Variants in CARNMT1 observed in about 807,000 individuals in gnomAD.
CARNMT1 encodes protein-L-histidine N-pros-methyltransferase CARNMT1.
Under a neutral mutation model 49.6 loss-of-function variants are expected in CARNMT1, and 28 were observed. That is an observed-to-expected ratio of 0.56 (90% CI 0.42 to 0.77). The LOEUF (loss-of-function observed/expected upper bound fraction) is 0.77, where lower values mean the gene tolerates loss of function less well. Ranked by LOEUF, CARNMT1 falls within the 30% of genes least tolerant of loss-of-function variation. The pLI, the probability that CARNMT1 is intolerant of heterozygous loss-of-function variation, is 0.00. For missense variants in CARNMT1, 421 were observed against 512.6 expected (o/e 0.82, Z 1.73); for synonymous variants, 178 against 175.0 (o/e 1.02, Z -0.13).
At position 75,028,091 on chromosome 9, in the gene CARNMT1, T is replaced by TGGC. The variant is rs888298848; in HGVS notation, c.148_150dup (p.Ala50dup). ...TCCTCCTCCTCCTCGGTGCTGCGCG[T>TGGC]GGCCGCCGCCGCTGCCGCCGAAACC... On this transcript the variant is annotated inframe_insertion, in exon 1 of 8. Coordinates refer to ENST00000376834, the MANE Select transcript of CARNMT1 (RefSeq NM_152420.3). 1 of 1,557,164 alleles carries TGGC rather than the reference T, an allele frequency of 6.4e-7. No individual in the cohort carries two copies. The highest frequency in any genetic ancestry group is 8.7e-7 in the Non-Finnish European group (1 of 1,153,792).
At chr9:75,001,063 T>C (rs1305137366) in intron 3 of CARNMT1, among the ~76,000 whole-genome samples, 1 of 152,112 alleles carries the variant, frequency 6.6e-6, no homozygotes, top group East Asian at 1.9e-4. Context: ...TCAGTTCCCA[T>C]CTGTCCAATC....
At chr9:74,995,974 T>C (rs1038865734) in intron 6 of CARNMT1, 1 of 152,198 alleles carries the variant, frequency 6.6e-6, no homozygotes, top group African/African-American at 2.4e-5. Flanking sequence ...AAAAATTGTG[T>C]TTCTATTCTT....
At chr9:74,990,541 GCATATACATGATTTTTACAGACGGA>G (rs940691922) in intron 6 of CARNMT1, among the ~76,000 whole-genome samples, 1 of 152,146 alleles carries the variant, frequency 6.6e-6, no homozygotes, top group Non-Finnish European at 1.5e-5. Context: ...TTACATACAC[GCATATACATGATTTTTACAGACGGA>G]CATATACATA....
intron 1 of CARNMT1, among the ~76,000 whole-genome samples, chr9:75,024,438 C>T (rs1822466382): frequency 6.6e-6 from 1 of 152,156 alleles, no homozygotes; most frequent in African/African-American, 2.4e-5. Context: ...ATTAAAAAAT[C>T]TCACCCCGTT....
chr9:74,996,565 T>G lies in CARNMT1; in HGVS notation c.911-5A>C. The G allele has an allele frequency of 6.6e-7, 1 of 1,512,404 alleles. No individual in the cohort carries two copies. Among genetic ancestry groups the G allele is most frequent in the Non-Finnish European group, 9.0e-7 (1 of 1,113,076 alleles). 93.7% of individuals were successfully genotyped at this position (1,512,404 alleles called of 1,614,324 possible). ...TAGCAATACAGTCCCAGGTATCTAATGAAGAAAAATCAAATTACTGCATCT... is the reference window on the plus strand; with the variant it reads ...TAGCAATACAGTCCCAGGTATCTAAGGAAGAAAAATCAAATTACTGCATCT... On this transcript the variant is annotated splice_region_variant and splice_polypyrimidine_tract_variant and intron_variant, in intron 5 of 7. Coordinates refer to ENST00000376834, the MANE Select transcript of CARNMT1 (RefSeq NM_152420.3).
intron 2 of CARNMT1, 156 bp downstream of exon 2, chr9:75,017,097 T>C: frequency 1.7e-6 from 1 of 604,966 alleles, no homozygotes; most frequent in South Asian, 2.2e-5. Flanking sequence ...CTCTGGCTAT[T>C]AAGCCTAATC....
At chr9:75,003,791 T>A (rs1400806351) in intron 3 of CARNMT1, among the ~76,000 whole-genome samples, 1 of 152,236 alleles carries the variant, frequency 6.6e-6, no homozygotes, top group African/African-American at 2.4e-5. Context: ...CATAAATAAC[T>A]TTCACATGCA....
intron 1 of CARNMT1, chr9:75,027,584 G>A: frequency 2.0e-6 from 1 of 488,468 alleles, no homozygotes; most frequent in Non-Finnish European, 2.7e-6. Context: ...CATCCCACGC[G>A]TAGGTGAACT....
At chr9:75,022,151 A>G (rs1269639729) in intron 1 of CARNMT1, among the ~76,000 whole-genome samples, 1 of 151,410 alleles carries the variant, frequency 6.6e-6, no homozygotes, top group Non-Finnish European at 1.5e-5. Context: ...AAATCTGTCT[A>G]TAATTTAGGA....
intron 3 of CARNMT1, among the ~76,000 whole-genome samples, chr9:75,011,525 C>G (rs902527218): frequency 1.3e-5 from 2 of 152,140 alleles, no homozygotes; most frequent in African/African-American, 4.8e-5. Flanking sequence ...GTGCATGCCA[C>G]CTCACCTAAT....
At position 74,983,496 on chromosome 9, in the gene CARNMT1, G is replaced by A. The variant is rs1832740004; in HGVS notation, c.*271C>T. On this transcript the variant is annotated 3_prime_UTR_variant, in exon 8 of 8. Coordinates refer to ENST00000376834, the MANE Select transcript of CARNMT1 (RefSeq NM_152420.3). Reference sequence around the variant, plus strand: ...CTGGAGATTAGGTTTTTTTCCTACTGAAACACAATTCTGGGCTTCAAGGAA... The same window carrying A: ...CTGGAGATTAGGTTTTTTTCCTACTAAAACACAATTCTGGGCTTCAAGGAA... 3.9e-6 allele frequency: 1 copy of A among 259,202 alleles called. No individual in the cohort carries two copies. Among genetic ancestry groups the A allele is most frequent in the Non-Finnish European group, 7.3e-6 (1 of 137,212 alleles). 16.1% of individuals were successfully genotyped at this position (259,202 alleles called of 1,614,324 possible). A position where few individuals can be genotyped will look rare whatever the true frequency, so the allele number is the denominator to read the frequency against.
intron 5 of CARNMT1, among the ~76,000 whole-genome samples, chr9:74,996,993 G>A (rs1364133357): frequency 6.6e-6 from 1 of 152,166 alleles, no homozygotes; most frequent in Non-Finnish European, 1.5e-5. Flanking sequence ...AGAAATGAAT[G>A]ACATCCAAAT....
chr9:75,027,256 GT>G, intron 1 of CARNMT1: 1 of 603,384 alleles, frequency 1.7e-6, no homozygotes, highest in Non-Finnish European at 2.1e-6. Context: ...TTAGGGAGCT[GT>G]TTTTATGAAT....
At chr9:75,018,968 TAAAAAAAAA>T (rs35324700) in intron 1 of CARNMT1, among the ~76,000 whole-genome samples, 1 of 74,602 alleles carries the variant, frequency 1.3e-5, no homozygotes, top group Admixed American at 1.5e-4. Flanking sequence ...CTCCATCTCA[TAAAAAAAAA>T]AAAAAAAAAA....
Position 75,027,955 on chromosome 9 carries a change from G to A in CARNMT1, c.230+57C>T. 4 of 1,488,860 alleles carry A rather than the reference G, an allele frequency of 2.7e-6. No individual in the cohort carries two copies. In the South Asian group the frequency reaches 3.8e-5, roughly 14 times the overall value. 92.2% of individuals were successfully genotyped at this position (1,488,860 alleles called of 1,614,324 possible). On this transcript the variant is annotated intron_variant, in intron 1 of 7. Transcript: ENST00000376834. ...CGAGCGCCCCCGTTCCGGCGGGTCC[G>A]CCGCCACCAGTGGGCGCCCCGACGG...
At chr9:75,001,058 T>G (rs1833337675) in intron 3 of CARNMT1, among the ~76,000 whole-genome samples, 1 of 152,090 alleles carries the variant, frequency 6.6e-6, no homozygotes, top group African/African-American at 2.4e-5. Flanking sequence ...TTTTCTCAGT[T>G]CCCATCTGTC....
At chr9:74,986,694 G>C (rs1466803572) in intron 6 of CARNMT1, among the ~76,000 whole-genome samples, 1 of 152,088 alleles carries the variant, frequency 6.6e-6, no homozygotes, top group Non-Finnish European at 1.5e-5. Context: ...CACCTAGAAA[G>C]CTCCAACCCT....
chr9:75,002,988 T>C (rs757607163), intron 3 of CARNMT1, among the ~76,000 whole-genome samples: 3 of 152,164 alleles, frequency 2.0e-5, no homozygotes, highest in Non-Finnish European at 4.4e-5. Context: ...CCTACCCACC[T>C]TGGCCTCCCA....
Position 74,996,541 on chromosome 9 carries a change from A to G in CARNMT1, c.930T>C (p.Ala310=). 2 of 1,595,496 alleles carry G rather than the reference A, an allele frequency of 1.3e-6. No homozygotes were observed. The highest frequency in any genetic ancestry group is 1.7e-6 in the Non-Finnish European group (2 of 1,168,054). Residue 310 remains alanine, a synonymous_variant, in exon 6 of 8, where the codon GCT becomes GCC. Transcript: ENST00000376834. ...YSECNTWDCI[A]TCFFIDTAHN... ...GAGCTGTGTCTATGAAGAAACAGGT[A>G]GCAATACAGTCCCAGGTATCTAATG...
Sources: gnomAD v4.1 joint callset for allele counts (sites outside exome capture counted in the v4.1 genomes callset) on GRCh38, gnomAD v4.1.1 for gene constraint, MANE v1.5 for transcripts, NCBI Gene and HGNC (gene_info 2026-07-23, HGNC 2026-07-21) for gene names.